The following RASGEF1C variants were observed in gnomAD, a reference collection of about 807,000 sequenced individuals.
RASGEF1C encodes RasGEF domain family member 1C.
RASGEF1C carries 27 observed loss-of-function variants against 58.1 expected under a neutral mutation model. That is an observed-to-expected ratio of 0.46 (90% CI 0.34 to 0.64). The LOEUF (loss-of-function observed/expected upper bound fraction) is 0.64. RASGEF1C is among the 30% of genes least tolerant of loss of function. The pLI is 0.01. For missense variants in RASGEF1C, 502 were observed against 605.1 expected, an observed-to-expected ratio of 0.83 and a Z score of 1.79; for synonymous variants, 243 against 246.3, an observed-to-expected ratio of 0.99 and a Z score of 0.13.
rs966936814 is a variant in RASGEF1C at position 180,155,915 on chromosome 5, C to A, written c.-6-17857G>T. On this transcript the variant is annotated intron_variant, in intron 1 of 13. Coordinates refer to ENST00000361132, the MANE Select transcript of RASGEF1C (RefSeq NM_175062.4). This position sits in a 1 kb window ranked among gnomAD's most constrained non-coding sequence, Gnocchi z 5.2. ...TCCTGGCCAAGAGGGCACTGTCCCC[C>A]CCTCACTGCTGAGCAAGCAAGTGAC... Among the ~76,000 whole-genome samples the A allele has an allele frequency of 4.6e-5, 7 of 152,162 alleles. No homozygotes were observed. Among genetic ancestry groups the A allele is most frequent in the Admixed American group, 2.6e-4 (4 of 15,284 alleles).
Position 180,121,663 on chromosome 5 carries a change from ACACACACACACACACACAC to A in RASGEF1C, c.715-533_715-515del, listed in dbSNP as rs1353899272. 4.3e-3 allele frequency among the ~76,000 whole-genome samples: 379 copies of A among 88,006 alleles called. 1 individual carries two copies. Among genetic ancestry groups the A allele is most frequent in the African/African-American group, 0.016 (354 of 22,626 alleles). 57.7% of individuals were successfully genotyped at this position (88,006 alleles called of 152,430 possible). On this transcript the variant is annotated intron_variant, in intron 6 of 13. Coordinates refer to ENST00000361132, the MANE Select transcript of RASGEF1C (RefSeq NM_175062.4). ...CACACACACACACACACACACACACACACACACACACACACACACCCTCATTATTCCTGGATCCTGTATT... is the reference window on the plus strand; with the variant it reads ...CACACACACACACACACACACACACACCTCATTATTCCTGGATCCTGTATT...
intron 4 of RASGEF1C, among the ~76,000 whole-genome samples, chr5:180,129,191 C>T (rs920661167): frequency 6.6e-6 from 1 of 152,240 alleles, no homozygotes; most frequent in African/African-American, 2.4e-5. Flanking sequence ...ATCTTCCCAG[C>T]ACTCAGATGA....
intron 4 of RASGEF1C, among the ~76,000 whole-genome samples, chr5:180,134,954 G>A (rs897474446): frequency 4.4e-5 from 4 of 91,476 alleles, no homozygotes; most frequent in Non-Finnish European, 9.0e-5. Context: ...CAATTACCCA[G>A]TCACCTATTC....
chr5:180,173,690 A>G lies in RASGEF1C; in HGVS notation c.-7+35338T>C, dbSNP rs372471327. On this transcript the variant is annotated intron_variant, in intron 1 of 13. Transcript: ENST00000361132. The stretch of plus-strand genomic sequence containing the variant: ...AGCACTTTGGGAGGCCAAGGTGGGC[A>G]GATCACAAGGTCAGGAGTTTGAGAC... Among the ~76,000 whole-genome samples, 250 of 143,274 alleles carry G rather than the reference A, an allele frequency of 1.7e-3. 1 individual carries two copies. The East Asian group carries it at 0.032, about 18-fold the overall frequency. 94.0% of individuals were successfully genotyped at this position (143,274 alleles called of 152,430 possible).
In RASGEF1C at chr5:180,168,735, C is replaced by T. The variant is rs200690726; in HGVS notation, c.-6-30677G>A. 4.6e-5 allele frequency among the ~76,000 whole-genome samples: 7 copies of T among 152,160 alleles called. No individual in the cohort carries two copies. In the East Asian group the frequency reaches 9.6e-4, roughly 21 times the overall value. On this transcript the variant is annotated intron_variant, in intron 1 of 13. Transcript: ENST00000361132. This position sits in a 1 kb window ranked among gnomAD's most constrained non-coding sequence, Gnocchi z 6.0. ...GAATTCTGGGCTCCTGTGGGACCTA[C>T]GCAATGCTCCCATGGGATTACTTGT... is the stretch of plus-strand genomic sequence containing the variant.
chr5:180,172,536 G>A lies in RASGEF1C; in HGVS notation c.-6-34478C>T, dbSNP rs148984554. On this transcript the variant is annotated intron_variant, in intron 1 of 13. Coordinates refer to ENST00000361132, the MANE Select transcript of RASGEF1C (RefSeq NM_175062.4). ...ACTCCACTCCAGATGCTGCCTGCCC[G>A]CCACTTCTCTCAGACCCTCCCACAA... is the stretch of plus-strand genomic sequence containing the variant. 2.3e-3 allele frequency among the ~76,000 whole-genome samples: 345 copies of A among 152,236 alleles called. 4 individuals are homozygous for A. Among genetic ancestry groups the A allele is most frequent in the African/African-American group, 7.6e-3 (314 of 41,544 alleles).
At chr5:180,108,204 C>CTTTTT (rs34249635) in intron 12 of RASGEF1C, among the ~76,000 whole-genome samples, 1 of 124,978 alleles carries the variant, frequency 8.0e-6, no homozygotes, top group Non-Finnish European at 1.6e-5. Context: ...TTCTTTCTTT[C>CTTTTT]TTTTTTTTTT....
In RASGEF1C at chr5:180,147,823, T is replaced by C. The variant is rs546279970; in HGVS notation, c.-6-9765A>G. ...TGTTAGACCTAGTTGGCTTATTGTG[T>C]TGTGTAAGTCTTTTATTTCCTTACT... On this transcript the variant is annotated intron_variant, in intron 1 of 13. Transcript: ENST00000361132. 4.6e-5 allele frequency among the ~76,000 whole-genome samples: 7 copies of C among 152,294 alleles called. 1 individual carries two copies. In the South Asian group the frequency reaches 1.0e-3, roughly 23 times the overall value.
chr5:180,174,530 CTCTG>C (rs1767183402), intron 1 of RASGEF1C, among the ~76,000 whole-genome samples: 1 of 141,260 alleles, frequency 7.1e-6, no homozygotes, highest in Non-Finnish European at 1.5e-5. Flanking sequence ...ACACGTGTGT[CTCTG>C]TGTGTGCGTG....
intron 1 of RASGEF1C, among the ~76,000 whole-genome samples, chr5:180,157,908 C>G (rs1328336899): frequency 1.3e-5 from 2 of 152,120 alleles, no homozygotes; most frequent in East Asian, 3.9e-4. Flanking sequence ...TGTCAAAACC[C>G]ATAGAATGTA....
intron 1 of RASGEF1C, among the ~76,000 whole-genome samples, chr5:180,160,365 G>A (rs879375607): frequency 6.6e-6 from 1 of 152,196 alleles, no homozygotes; most frequent in Non-Finnish European, 1.5e-5. Flanking sequence ...AGGTGCCTGG[G>A]CATGTCGCCC....
intron 11 of RASGEF1C, among the ~76,000 whole-genome samples, chr5:180,113,787 TGGATGGAG>T (rs1315397724): frequency 2.1e-4 from 32 of 150,916 alleles, no homozygotes; most frequent in African/African-American, 7.8e-4. Flanking sequence ...GGATTGGGGA[TGGATGGAG>T]GGACCGAGGA....
chr5:180,121,668 CACACACACA>C (rs773769014), intron 6 of RASGEF1C, among the ~76,000 whole-genome samples: 69 of 120,372 alleles, frequency 5.7e-4, no homozygotes, highest in Non-Finnish European at 1.0e-3. Context: ...CACACACACA[CACACACACA>C]CACACCCTCA....
At chr5:180,148,542 A>G (rs1245283036) in intron 1 of RASGEF1C, among the ~76,000 whole-genome samples, 1 of 152,176 alleles carries the variant, frequency 6.6e-6, no homozygotes, top group Non-Finnish European at 1.5e-5. Flanking sequence ...TACATTTAAC[A>G]TCCTAAAGTT....
At chr5:180,105,423 G>C (rs1403920118) in intron 12 of RASGEF1C, among the ~76,000 whole-genome samples, 2 of 151,924 alleles carry the variant, frequency 1.3e-5, no homozygotes, top group Non-Finnish European at 2.9e-5. Context: ...TTAGCCAAGT[G>C]TGGTGGCGGG....
chr5:180,191,115 G>A (rs962053535), intron 1 of RASGEF1C, among the ~76,000 whole-genome samples: 11 of 152,112 alleles, frequency 7.2e-5, no homozygotes, highest in East Asian at 5.8e-4. Flanking sequence ...CTGTTAGAAC[G>A]GCTAAAACTT....
chr5:180,174,527 TG>T (rs1470489521), intron 1 of RASGEF1C, among the ~76,000 whole-genome samples: 3 of 149,058 alleles, frequency 2.0e-5, no homozygotes, highest in Admixed American at 2.0e-4. Context: ...TACACACGTG[TG>T]TCTCTGTGTG....
chr5:180,122,933 A>G (rs962553189), intron 6 of RASGEF1C, among the ~76,000 whole-genome samples: 1 of 152,080 alleles, frequency 6.6e-6, no homozygotes, highest in Non-Finnish European at 1.5e-5. Context: ...AGCAAGAACA[A>G]ATTCTTATGG....
intron 1 of RASGEF1C, among the ~76,000 whole-genome samples, chr5:180,184,809 G>C (rs1581125461): frequency 6.6e-6 from 1 of 152,112 alleles, no homozygotes; most frequent in East Asian, 1.9e-4. Context: ...AGTAAAGAAG[G>C]CCATTCCATA....
Sources: allele counts gnomAD v4.1 joint callset (sites outside exome capture counted in the v4.1 genomes callset), GRCh38; gene constraint gnomAD v4.1.1; non-coding constraint Gnocchi (gnomAD v3.1); transcripts MANE v1.5; gene names NCBI Gene and HGNC (gene_info 2026-07-23, HGNC 2026-07-21).